The following TRIM49 variants were observed in gnomAD, a reference collection of about 807,000 sequenced individuals.
TRIM49 encodes the protein tripartite motif containing 49.
TRIM49 carries 5 observed loss-of-function variants against 27.4 expected under a neutral mutation model. The observed-to-expected ratio is 0.18, with a 90% confidence interval of 0.10 to 0.38. The LOEUF is 0.38. TRIM49 is among the 10% of genes least tolerant of loss of function. The pLI, the probability that TRIM49 is intolerant of heterozygous loss-of-function variation, is 1.00. For synonymous variants in TRIM49, 69 were observed against 166.0 expected (o/e 0.42, Z 4.49); for missense variants, 188 against 487.5 (o/e 0.39, Z 5.79).
downstream of TRIM49, among the ~76,000 whole-genome samples, chr11:89,793,538 A>G (rs1243310295): frequency 1.3e-5 from 2 of 152,204 alleles, no homozygotes; most frequent in South Asian, 2.1e-4. Context: ...ATCCGCCAAG[A>G]GCAAGTGGGC....
downstream of TRIM49, among the ~76,000 whole-genome samples, chr11:89,793,524 G>T (rs574443850): frequency 1.9e-4 from 29 of 152,264 alleles, no homozygotes; most frequent in African/African-American, 5.8e-4. Flanking sequence ...ACATCAAAAA[G>T]CTTATCCGCC....
At chr11:89,781,567 CAAG>C in the TRIM49 span, among the ~76,000 whole-genome samples, 21 of 144,726 alleles carry the variant, frequency 1.5e-4, 1 homozygote, top group African/African-American at 4.1e-4. Context: ...ACAAATAATA[CAAG>C]AAGATTTTTC....
chr11:89,791,773 C>G, the TRIM49 span, among the ~76,000 whole-genome samples: 39 of 152,316 alleles, frequency 2.6e-4, 1 homozygote, highest in East Asian at 7.3e-3. Context: ...GAACCAGCAC[C>G]AGCCACTGCA....
chr11:89,794,194 C>A (rs1949673891), downstream of TRIM49, among the ~76,000 whole-genome samples: 1 of 121,202 alleles, frequency 8.3e-6, no homozygotes, highest in Admixed American at 8.7e-5. Flanking sequence ...CGTGAAGGAC[C>A]TCTTCAAGGA....
the TRIM49 span, among the ~76,000 whole-genome samples, chr11:89,790,196 G>T: frequency 3.1e-5 from 4 of 130,332 alleles, no homozygotes; most frequent in African/African-American, 1.2e-4. Context: ...CAAGGCAGCA[G>T]TGAGGCTGGG....
chr11:89,777,791 C>T, the TRIM49 span: 3 of 518,834 alleles, frequency 5.8e-6, no homozygotes, highest in East Asian at 8.4e-5. Flanking sequence ...ATTCGTTTAA[C>T]TTGGAAAAAT....
chr11:89,792,185 AG>A, the TRIM49 span, among the ~76,000 whole-genome samples: 1 of 152,116 alleles, frequency 6.6e-6, no homozygotes, highest in Non-Finnish European at 1.5e-5. Flanking sequence ...ATTCAACAAG[AG>A]GAGCTAACTA....
At chr11:89,787,040 T>G in the TRIM49 span, 6,276 of 127,178 alleles carry the variant, frequency 0.049, 174 homozygotes, top group African/African-American at 0.11. Flanking sequence ...GAGTGGCCAC[T>G]TACACGTCCG....
chr11:89,795,723 A>T (rs1184862601), downstream of TRIM49, among the ~76,000 whole-genome samples: 460 of 120,154 alleles, frequency 3.8e-3, no homozygotes, highest in African/African-American at 0.014. Flanking sequence ...AACATCACAC[A>T]TAGGGGCCTG....
the TRIM49 span, among the ~76,000 whole-genome samples, chr11:89,784,596 T>C: frequency 4.4e-5 from 6 of 137,210 alleles, no homozygotes; most frequent in Non-Finnish European, 7.6e-5. Flanking sequence ...GATAAAATTA[T>C]TCACCTTAGG....
downstream of TRIM49, among the ~76,000 whole-genome samples, chr11:89,792,747 G>A (rs1268112229): frequency 6.6e-6 from 1 of 152,148 alleles, no homozygotes; most frequent in African/African-American, 2.4e-5. Context: ...TTAAAGCAGT[G>A]TGTGGAGGGA....
At chr11:89,774,453 C>T in the TRIM49 span, among the ~76,000 whole-genome samples, 12 of 149,762 alleles carry the variant, frequency 8.0e-5, 1 homozygote, top group South Asian at 2.5e-3. Context: ...GCAATCCAAT[C>T]CATCTCAGGA....
the TRIM49 span, chr11:89,777,167 A>G: frequency 1.3e-6 from 2 of 1,549,792 alleles, no homozygotes; most frequent in Middle Eastern, 2.0e-4. Context: ...GAGAAGCCCA[A>G]CTTCAACACC....
At chr11:89,767,593 GC>G in the TRIM49 span, among the ~76,000 whole-genome samples, 2 of 123,348 alleles carry the variant, frequency 1.6e-5, no homozygotes, top group Non-Finnish European at 1.5e-5. Context: ...TGACTTTCAT[GC>G]CAGATTCAGG....
At chr11:89,793,037 A>G (rs1401450471), downstream of TRIM49, among the ~76,000 whole-genome samples, 1 of 152,106 alleles carries the variant, frequency 6.6e-6, no homozygotes, top group African/African-American at 2.4e-5. Context: ...AATCAAATAG[A>G]TGCAATAAAA....
intron 2 of TRIM49, among the ~76,000 whole-genome samples, chr11:89,804,836 G>C (rs1264228075): frequency 2.0e-5 from 3 of 151,386 alleles, no homozygotes; most frequent in Non-Finnish European, 4.4e-5. Flanking sequence ...ATGAATGACT[G>C]TGAAAGAGTG....
At chr11:89,768,381 A>G in the TRIM49 span, 1 of 857,018 alleles carries the variant, frequency 1.2e-6, no homozygotes, top group Non-Finnish European at 1.8e-6. Context: ...CACTTCTGAT[A>G]TTGTAATGTA....
At chr11:89,801,085 T>C in intron 5 of TRIM49, 97 bp from the exon 6 acceptor site, 1 of 1,408,696 alleles carries the variant, frequency 7.1e-7, no homozygotes, top group South Asian at 1.3e-5. Context: ...CTGAAGATAT[T>C]ATTTCCCTAC....
At chr11:89,768,891 T>C in the TRIM49 span, 8 of 495,646 alleles carry the variant, frequency 1.6e-5, 1 homozygote, top group Non-Finnish European at 2.8e-5. Context: ...AGAAAGTTGT[T>C]ATTCTTGTTG....
Sources: gnomAD v4.1 joint callset for allele counts (sites outside exome capture counted in the v4.1 genomes callset) on GRCh38, gnomAD v4.1.1 for gene constraint, MANE v1.5 for transcripts, NCBI Gene and HGNC (gene_info 2026-07-23, HGNC 2026-07-21) for gene names.